KDM5B: variants seen among roughly 807,000 people sequenced by gnomAD.
The protein encoded by KDM5B is lysine-specific demethylase 5B.
Under a neutral mutation model 193.4 loss-of-function variants are expected in KDM5B, and 144 were observed. The ratio of observed to expected loss-of-function variants is 0.74; its 90% confidence interval spans 0.65 to 0.86. The LOEUF is 0.86. Ranked by LOEUF, KDM5B falls within the 40% of genes least tolerant of loss-of-function variation. The pLI is 0.00. For synonymous variants in KDM5B, 668 were observed against 682.6 expected (o/e 0.98, Z 0.33); for missense variants, 1,833 against 1,886.9 (o/e 0.97, Z 0.53).
At chr1:202,732,073 C>T (rs1654908335) in intron 23 of KDM5B, 134 bp from the exon 24 acceptor site, 1 of 615,344 alleles carries the variant, frequency 1.6e-6, no homozygotes, top group African/African-American at 1.9e-5. Flanking sequence ...TGATTTTCCC[C>T]TACTGAAGAG....
intron 1 of KDM5B, among the ~76,000 whole-genome samples, chr1:202,793,049 G>A (rs914506872): frequency 1.3e-5 from 2 of 151,442 alleles, no homozygotes; most frequent in Admixed American, 1.3e-4. Context: ...GAGAGAAGCA[G>A]GCTAATTTCT....
In KDM5B at chr1:202,742,432, A is replaced by G; in HGVS notation, c.2548T>C (p.Tyr850His). 5 of 1,614,128 alleles carry G rather than the reference A, an allele frequency of 3.1e-6. No individual in the cohort carries two copies. Among genetic ancestry groups the G allele is most frequent in the Non-Finnish European group, 4.2e-6 (5 of 1,179,972 alleles). The change falls in exon 18 of 27, where the codon TAT becomes CAT. Residue 850 changes from tyrosine to histidine, a missense_variant. Tyr to His is a moderately conservative substitution (Grantham distance 83, BLOSUM62 2). This residue lies in a region of KDM5B where 1,379 missense variants were observed against 1,349.6 expected (regional missense o/e 1.02). Transcript: ENST00000367265. ...TGACTGAGGACACATGGAAGAGCAT[A>G]CAGCTGTGTTACAAACTGCCGGAGC... is the stretch of plus-strand genomic sequence containing the variant. ...NELRQFVTQLYALPCVLSQTP... is the reference protein window; with the variant it reads ...NELRQFVTQLHALPCVLSQTP...
At chr1:202,743,765 T>G in intron 16 of KDM5B, among the ~76,000 whole-genome samples, 1 of 152,224 alleles carries the variant, frequency 6.6e-6, no homozygotes. Context: ...ATTCAATAAA[T>G]GGTGCTGGAA....
chr1:202,758,409 G>A lies in KDM5B; in HGVS notation c.1179C>T (p.Tyr393=), dbSNP rs1333242816. The A allele has an allele frequency of 6.2e-7, 1 of 1,611,826 alleles. No individual in the cohort carries two copies. Among genetic ancestry groups the A allele is most frequent in the Non-Finnish European group, 8.5e-7 (1 of 1,178,384 alleles). Residue 393 remains tyrosine (Y), a synonymous_variant, in exon 9 of 27, where the codon TAC becomes TAT. Transcript: ENST00000367265. ...TACATACATGGACTGGCATGTTGAA[G>A]TAATCAGATTTGAACGCATCTGCCA... is the stretch of plus-strand genomic sequence containing the variant. ...GEMADAFKSD[Y]FNMPVHMVPT...
intron 8 of KDM5B, among the ~76,000 whole-genome samples, chr1:202,759,996 T>C (rs1330457878): frequency 2.0e-5 from 3 of 152,318 alleles, no homozygotes; most frequent in Middle Eastern, 6.8e-3. Flanking sequence ...ATGGGCCTCA[T>C]TACTGTCGAC....
intron 1 of KDM5B, among the ~76,000 whole-genome samples, chr1:202,802,479 G>A (rs1292166974): frequency 6.6e-6 from 1 of 152,062 alleles, no homozygotes; most frequent in Non-Finnish European, 1.5e-5. Context: ...TGCAACCTCT[G>A]CCTCCTGGGT....
chr1:202,733,597 G>A lies in KDM5B; in HGVS notation c.3713C>T (p.Ser1238Phe). 1.9e-6 allele frequency: 3 copies of A among 1,614,184 alleles called. No homozygotes were observed. The African/African-American group carries it at 4.0e-5, about 22-fold the overall frequency. The part of the protein sequence containing the change: ...PLEKILPLLA[S>F]LQRIRVRLPE... Reference sequence around the variant, plus strand: ...AAGGCGAACTCGGATACGCTGAAGGGAGGCGAGCAGGGGCAGAATTTTCTC... The same window carrying A: ...AAGGCGAACTCGGATACGCTGAAGGAAGGCGAGCAGGGGCAGAATTTTCTC... The change falls in exon 23 of 27, where the codon TCC (serine) becomes TTC (phenylalanine). Residue 1238 changes from serine to phenylalanine, a missense_variant. Coordinates refer to ENST00000367265, the MANE Select transcript of KDM5B (RefSeq NM_006618.5).
At position 202,750,831 on chromosome 1, in the gene KDM5B, A is replaced by C; in HGVS notation, c.1702-53T>G. 4 of 1,566,408 alleles carry C rather than the reference A, an allele frequency of 2.6e-6. No individual in the cohort carries two copies. The South Asian group carries it at 4.6e-5, about 18-fold the overall frequency. ...GAGTTTCTTAAAGAGTGACATTGTT[A>C]CTAAAGACAATCTGGACACAGTCTA... On this transcript the variant is annotated intron_variant, in intron 12 of 26. Transcript: ENST00000367265.
In KDM5B at chr1:202,750,673, A is replaced by G; in HGVS notation, c.1807T>C (p.Cys603Arg). ...TAATTACATACCCAATCAACAGTGC[A>G]GAAGTTAACAGCCTCAGCAAAATTA... is the stretch of plus-strand genomic sequence containing the variant. ...GFNFAEAVNFCTVDWLPLGRQ... is the reference protein window; with the variant it reads ...GFNFAEAVNFRTVDWLPLGRQ... Residue 603 changes from cysteine (C) to arginine (R), a missense_variant, in exon 13 of 27, where the codon TGC (cysteine) becomes CGC (arginine). Around this residue, in one of 3 missense-constraint regions of KDM5B, gnomAD observed 1,379 missense variants for 1,349.6 expected, o/e 1.02. Transcript: ENST00000367265. 6.2e-7 allele frequency: 1 copy of G among 1,613,952 alleles called. No individual in the cohort carries two copies. The highest frequency in any genetic ancestry group is 8.5e-7 in the Non-Finnish European group (1 of 1,179,806).
At position 202,774,845 on chromosome 1, in the gene KDM5B, A is replaced by AT. The variant is rs11337395; in HGVS notation, c.283-111dup. The AT allele has an allele frequency of 2.8e-4, 280 of 1,012,076 alleles. 1 individual carries two copies. The highest frequency in any genetic ancestry group is 8.4e-4 in the Admixed American group (28 of 33,238). 62.7% of individuals were successfully genotyped at this position (1,012,076 alleles called of 1,614,324 possible). A position where few individuals can be genotyped will look rare whatever the true frequency, so the allele number is the denominator to read the frequency against. The stretch of plus-strand genomic sequence containing the variant: ...TTTAAGTACAATACCACTTAAAAAA[A>AT]TTTTTTTTTAATTTAATGCTCTTTC... On this transcript the variant is annotated intron_variant, in intron 2 of 26. Transcript: ENST00000367265.
intron 1 of KDM5B, chr1:202,806,903 A>AC (rs1261863093): frequency 1.3e-5 from 2 of 152,212 alleles, no homozygotes; most frequent in African/African-American, 4.8e-5. Flanking sequence ...AGCCCGTCCA[A>AC]CCGCCGCTTA....
rs1490686676 is a variant in KDM5B, at chr1:202,808,371, G to A, written c.-66C>T. On this transcript the variant is annotated 5_prime_UTR_variant, in exon 1 of 27. Coordinates refer to ENST00000367265, the MANE Select transcript of KDM5B (RefSeq NM_006618.5). The stretch of plus-strand genomic sequence containing the variant: ...GGACCGAGGCTGCGAGCTCCGCTCG[G>A]TCCGAGACCCGTGCAGACGCGGCTC... 7.8e-6 allele frequency: 11 copies of A among 1,414,134 alleles called. No individual in the cohort carries two copies. Among genetic ancestry groups the A allele is most frequent in the African/African-American group, 1.4e-5 (1 of 70,032 alleles). The allele number at this position is 1,414,134 out of a possible 1,614,324, so 87.6% of individuals were successfully genotyped here.
At chr1:202,729,562 T>C (rs1654796912) in intron 26 of KDM5B, 145 bp downstream of exon 26, 1 of 664,400 alleles carries the variant, frequency 1.5e-6, no homozygotes, top group Non-Finnish European at 2.5e-6. Context: ...AGAGCACAGA[T>C]ATCAGTGGGG....
In KDM5B at chr1:202,734,416, T is replaced by C. The variant is rs192974545; in HGVS notation, c.3424-530A>G. ...ACACAGGTAATATGTGTGGGTTATA[T>C]GATAACAAGGTAACTTCTGACAGCT... On this transcript the variant is annotated intron_variant, in intron 22 of 26. Coordinates refer to ENST00000367265, the MANE Select transcript of KDM5B (RefSeq NM_006618.5). 2.8e-4 allele frequency among the ~76,000 whole-genome samples: 43 copies of C among 151,258 alleles called. No homozygotes were observed. In the East Asian group the frequency reaches 7.8e-3, roughly 27 times the overall value.
rs556847091 is a variant in KDM5B at position 202,783,879 on chromosome 1, C to CA, written c.205-6786dup. Among the ~76,000 whole-genome samples, 497 of 134,112 alleles carry CA rather than the reference C, an allele frequency of 3.7e-3. 2 individuals carry two copies. The highest frequency in any genetic ancestry group is 5.5e-3 in the Non-Finnish European group (344 of 62,030). The allele number at this position is 134,112 out of a possible 152,430, so 88.0% of individuals were successfully genotyped here. A position where few individuals can be genotyped will look rare whatever the true frequency, so the allele number is the denominator to read the frequency against. ...CTGGGGACAGAGCGAGACTCTGTCT[C>CA]AAAAAAAAAAAGAAGTTGAATTAGT... On this transcript the variant is annotated intron_variant, in intron 1 of 26. Coordinates refer to ENST00000367265, the MANE Select transcript of KDM5B (RefSeq NM_006618.5).
At chr1:202,735,349 C>A in intron 22 of KDM5B, 80 bp downstream of exon 22, 1 of 1,464,552 alleles carries the variant, frequency 6.8e-7, no homozygotes, top group African/African-American at 1.4e-5. Context: ...CTTGCCTTCT[C>A]CAAATTCCTA....
chr1:202,758,269 C>A (rs1656098940), intron 9 of KDM5B, 122 bp downstream of exon 9: 5 of 662,382 alleles, frequency 7.5e-6, no homozygotes, highest in Non-Finnish European at 1.2e-5. Context: ...ATTAAAGTTT[C>A]ATTCTGCTTT....
chr1:202,775,188 G>C (rs1656888925), intron 2 of KDM5B, among the ~76,000 whole-genome samples: 1 of 151,614 alleles, frequency 6.6e-6, no homozygotes, highest in Non-Finnish European at 1.5e-5. Flanking sequence ...AGTAAGCTGA[G>C]ATCACACCAC....
Position 202,729,029 on chromosome 1 carries a change from T to C in KDM5B, c.*7A>G, listed in dbSNP as rs1654772521. ...CATTAAGTAGGGGGGTATCTGTTTT[T>C]GTGTTTTTACTTTCGGCTTGGTGCG... On this transcript the variant is annotated 3_prime_UTR_variant, in exon 27 of 27. Coordinates refer to ENST00000367265, the MANE Select transcript of KDM5B (RefSeq NM_006618.5). 1.9e-6 allele frequency: 3 copies of C among 1,614,052 alleles called. No homozygotes were observed. Among genetic ancestry groups the C allele is most frequent in the Non-Finnish European group, 1.7e-6 (2 of 1,179,936 alleles).
Sources: gnomAD v4.1 joint callset for allele counts (sites outside exome capture counted in the v4.1 genomes callset) on GRCh38, gnomAD v4.1.1 for gene constraint, gnomAD v4.1.1 regional missense constraint, MANE v1.5 for transcripts, NCBI Gene and HGNC (gene_info 2026-07-23, HGNC 2026-07-21) for gene names.